The following KCNIP3 variants were observed in gnomAD, a reference collection of about 807,000 sequenced individuals.
KCNIP3 encodes the protein potassium voltage-gated channel interacting protein 3, also known as calsenilin.
A neutral mutation model predicts 35.0 loss-of-function variants in KCNIP3; 28 were observed. That is an observed-to-expected ratio of 0.80 (90% CI 0.59 to 1.10). The LOEUF (loss-of-function observed/expected upper bound fraction) is 1.10. KCNIP3 is among the 50% of genes least tolerant of loss of function. The pLI, the probability that KCNIP3 is intolerant of heterozygous loss-of-function variation, is 0.00. For missense variants in KCNIP3, 295 were observed against 338.4 expected, an observed-to-expected ratio of 0.87 and a Z score of 1.01; for synonymous variants, 134 against 133.8, an observed-to-expected ratio of 1.00 and a Z score of -0.01.
intron 2 of KCNIP3, among the ~76,000 whole-genome samples, chr2:95,364,742 C>A (rs868517848): frequency 6.6e-6 from 1 of 152,140 alleles, no homozygotes; most frequent in Non-Finnish European, 1.5e-5. Context: ...CCCTCCATCA[C>A]GATTGGAAGC....
At chr2:95,364,700 T>G (rs1679878581) in intron 2 of KCNIP3, among the ~76,000 whole-genome samples, 1 of 152,150 alleles carries the variant, frequency 6.6e-6, no homozygotes, top group Non-Finnish European at 1.5e-5. Flanking sequence ...TTGCTTCCAT[T>G]CTTGCCACGT....
At chr2:95,351,883 G>C (rs181888623) in intron 2 of KCNIP3, among the ~76,000 whole-genome samples, 4 of 152,270 alleles carry the variant, frequency 2.6e-5, no homozygotes, top group Admixed American at 2.6e-4. Context: ...GGAATTTATG[G>C]GAGTAGTCTG....
At chr2:95,349,441 T>A (rs2104270442) in intron 2 of KCNIP3, among the ~76,000 whole-genome samples, 1 of 152,342 alleles carries the variant, frequency 6.6e-6, no homozygotes, top group Non-Finnish European at 1.5e-5. Flanking sequence ...GTTCTGGGGA[T>A]GCAGCCTTCT....
intron 2 of KCNIP3, among the ~76,000 whole-genome samples, chr2:95,331,968 G>T (rs1338873306): frequency 6.6e-6 from 1 of 152,224 alleles, no homozygotes; most frequent in Non-Finnish European, 1.5e-5. Context: ...GTCTGCATGT[G>T]AGAGGTGAAG....
rs1680425179 is a variant in KCNIP3 at position 95,384,168 on chromosome 2, C to CGACACA, written c.*119_*120insGACACA. The CGACACA allele has an allele frequency of 2.1e-6, 1 of 465,622 alleles. No individual in the cohort carries two copies. Among genetic ancestry groups the CGACACA allele is most frequent in the Non-Finnish European group, 4.0e-6 (1 of 252,436 alleles). 28.8% of individuals were successfully genotyped at this position (465,622 alleles called of 1,614,324 possible). On this transcript the variant is annotated 3_prime_UTR_variant, in exon 9 of 9. Transcript: ENST00000295225. ...AGATTTGCAAAAAGTGAACAGATTG[C>CGACACA]TACACACACACACACACACACACAC... is the stretch of plus-strand genomic sequence containing the variant.
At chr2:95,331,984 G>C (rs145386915) in intron 2 of KCNIP3, among the ~76,000 whole-genome samples, 2 of 152,236 alleles carry the variant, frequency 1.3e-5, no homozygotes, top group Non-Finnish European at 2.9e-5. Flanking sequence ...TGAAGGACAC[G>C]GTGTGAGCGG....
Position 95,381,717 on chromosome 2 carries a change from G to T in KCNIP3, c.555+14G>T. On this transcript the variant is annotated intron_variant, in intron 6 of 8. Transcript: ENST00000295225. ...ATCACCAAAGAGGTAGTAGGGGGCT[G>T]GGGGCAGGGATTGTCCCCTCCTCCC... The T allele has an allele frequency of 6.4e-7, 1 of 1,569,912 alleles. No individual in the cohort carries two copies. The highest frequency in any genetic ancestry group is 8.8e-7 in the Non-Finnish European group (1 of 1,140,358).
At chr2:95,375,354 G>A (rs954423634) in intron 5 of KCNIP3, 146 bp downstream of exon 5, 9 of 744,856 alleles carry the variant, frequency 1.2e-5, no homozygotes, top group Non-Finnish European at 1.8e-5. Flanking sequence ...ATGAGTGGAT[G>A]TGGCTGGCCC....
At chr2:95,307,252 G>A (rs899232284) in intron 1 of KCNIP3, among the ~76,000 whole-genome samples, 2 of 152,204 alleles carry the variant, frequency 1.3e-5, no homozygotes, top group African/African-American at 4.8e-5. Flanking sequence ...CCTAGCCCAG[G>A]AGGGCATCAC....
chr2:95,338,408 C>A (rs1230750857), intron 2 of KCNIP3, among the ~76,000 whole-genome samples: 1 of 152,204 alleles, frequency 6.6e-6, no homozygotes, highest in Non-Finnish European at 1.5e-5. Context: ...CTGTGTCCTT[C>A]TTTCATGGTT....
At chr2:95,375,637 C>G (rs1372999936) in intron 5 of KCNIP3, among the ~76,000 whole-genome samples, 4 of 152,206 alleles carry the variant, frequency 2.6e-5, no homozygotes, top group Non-Finnish European at 5.9e-5. Context: ...TAGAAAACAT[C>G]CCAGCCGGAG....
chr2:95,366,388 T>G (rs1194703998), intron 2 of KCNIP3, among the ~76,000 whole-genome samples: 1 of 152,238 alleles, frequency 6.6e-6, no homozygotes, highest in Admixed American at 6.5e-5. Flanking sequence ...TTCCGTATTG[T>G]TGCTGAGTAT....
intron 5 of KCNIP3, among the ~76,000 whole-genome samples, chr2:95,380,505 G>A (rs1343329878): frequency 6.6e-6 from 1 of 152,184 alleles, no homozygotes; most frequent in Non-Finnish European, 1.5e-5. Context: ...TTCTTTCAGA[G>A]TAGCCTGGGA....
At chr2:95,346,558 T>C (rs965777623) in intron 2 of KCNIP3, among the ~76,000 whole-genome samples, 8 of 145,286 alleles carry the variant, frequency 5.5e-5, no homozygotes, top group Non-Finnish European at 9.1e-5. Flanking sequence ...GGAGCGGCGA[T>C]GGAGGCTGGG....
intron 2 of KCNIP3, among the ~76,000 whole-genome samples, chr2:95,336,944 C>G (rs889376291): frequency 1.3e-5 from 2 of 152,144 alleles, no homozygotes; most frequent in Non-Finnish European, 2.9e-5. Context: ...CTCTCAACAT[C>G]GCTGCAGTTG....
chr2:95,316,401 A>G (rs1678462942), intron 2 of KCNIP3, among the ~76,000 whole-genome samples: 1 of 152,200 alleles, frequency 6.6e-6, no homozygotes, highest in African/African-American at 2.4e-5. Flanking sequence ...GAACTTGCAT[A>G]TAACAGAAAC....
intron 1 of KCNIP3, among the ~76,000 whole-genome samples, chr2:95,300,725 G>T (rs1201188042): frequency 1.3e-5 from 2 of 152,248 alleles, no homozygotes; most frequent in Non-Finnish European, 2.9e-5. Context: ...CCTGTGGCAG[G>T]GAAAGAAGCA....
At chr2:95,300,258 C>T (rs2104193993) in intron 1 of KCNIP3, among the ~76,000 whole-genome samples, 1 of 152,386 alleles carries the variant, frequency 6.6e-6, no homozygotes, top group East Asian at 1.9e-4. Context: ...CTGGAGCTAG[C>T]TGCCTCCCAT....
intron 2 of KCNIP3, chr2:95,347,245 C>T: frequency 1.2e-6 from 1 of 800,560 alleles, no homozygotes; most frequent in Admixed American, 2.4e-5. Context: ...CCGCCGCCCC[C>T]TCCCGGCTCC....
Sources: gnomAD v4.1 joint callset for allele counts (sites outside exome capture counted in the v4.1 genomes callset) on GRCh38, gnomAD v4.1.1 for gene constraint, MANE v1.5 for transcripts, NCBI Gene and HGNC (gene_info 2026-07-23, HGNC 2026-07-21) for gene names.